Variants in GRIP1 observed in about 807,000 individuals in gnomAD.
GRIP1 encodes glutamate receptor interacting protein 1.
Under a neutral mutation model 129.9 loss-of-function variants are expected in GRIP1, and 45 were observed. That is an observed-to-expected ratio of 0.35 (90% confidence interval 0.27 to 0.44). The LOEUF is 0.44. GRIP1 is among the 20% of genes least tolerant of loss of function. GRIP1 has a pLI of 1.00. For synonymous variants in GRIP1, 530 were observed against 520.8 expected, an observed-to-expected ratio of 1.02 and a Z score of -0.24; for missense variants, 1,196 against 1,396.8, an observed-to-expected ratio of 0.86 and a Z score of 2.29.
At chr12:66,918,737 A>AT (rs1263037055) in intron 1 of GRIP1, among the ~76,000 whole-genome samples, 1 of 152,168 alleles carries the variant, frequency 6.6e-6, no homozygotes. Flanking sequence ...TGAAAGAGTA[A>AT]TATCATCAAA....
At chr12:66,626,331 C>A (rs1290230093) in intron 1 of GRIP1, among the ~76,000 whole-genome samples, 1 of 127,428 alleles carries the variant, frequency 7.8e-6, no homozygotes, top group Admixed American at 7.9e-5. Context: ...CAGAGTAAGA[C>A]CCCATCTCCA....
rs188225847 is a variant in GRIP1, at chr12:66,521,597, C to T, written c.503-3621G>A. On this transcript the variant is annotated intron_variant, in intron 5 of 24. Coordinates refer to ENST00000359742, the MANE Select transcript of GRIP1 (RefSeq NM_001366722.1). The stretch of plus-strand genomic sequence containing the variant: ...GAGTGACGCAGAAGACGGGTGATTT[C>T]TGCATTTCCATCTGAGGTACCAGGT... Among the ~76,000 whole-genome samples, 516 of 152,304 alleles carry T rather than the reference C, an allele frequency of 3.4e-3. 5 individuals carry two copies. The highest frequency in any genetic ancestry group is 0.011 in the African/African-American group (462 of 41,554).
At chr12:66,478,698 AT>A (rs1285432787) in intron 7 of GRIP1, among the ~76,000 whole-genome samples, 1 of 139,422 alleles carries the variant, frequency 7.2e-6, no homozygotes, top group African/African-American at 2.6e-5. Context: ...CTATGCAGCC[AT>A]AAAAAAAAGA....
chr12:66,482,714 G>C (rs941704037), intron 7 of GRIP1, among the ~76,000 whole-genome samples: 1 of 152,118 alleles, frequency 6.6e-6, no homozygotes, highest in Non-Finnish European at 1.5e-5. Context: ...ATAAAGGCAG[G>C]GAGACAGGCT....
chr12:66,967,031 ATTTG>A (rs1400589855), intron 1 of GRIP1, among the ~76,000 whole-genome samples: 1 of 152,108 alleles, frequency 6.6e-6, no homozygotes, highest in African/African-American at 2.4e-5. Context: ...ATACACCACA[ATTTG>A]TTTATTCATT....
chr12:66,685,455 TAAAGA>T (rs1418594394), intron 1 of GRIP1, among the ~76,000 whole-genome samples: 12 of 152,270 alleles, frequency 7.9e-5, no homozygotes, highest in Non-Finnish European at 1.3e-4. Context: ...ATTTGAATAA[TAAAGA>T]AAAGTGGAAA....
intron 1 of GRIP1, among the ~76,000 whole-genome samples, chr12:66,937,761 G>T (rs1418276365): frequency 6.6e-6 from 1 of 152,144 alleles, no homozygotes; most frequent in Non-Finnish European, 1.5e-5. Context: ...AGTTTCCAAA[G>T]ATGATAGCAG....
intron 1 of GRIP1, among the ~76,000 whole-genome samples, chr12:67,037,742 T>G (rs1172028067): frequency 6.6e-6 from 1 of 152,158 alleles, no homozygotes; most frequent in Non-Finnish European, 1.5e-5. Flanking sequence ...CCAGAAAAAT[T>G]TATTCAATCA....
At chr12:66,547,747 T>C (rs1296893135) in intron 2 of GRIP1, among the ~76,000 whole-genome samples, 2 of 152,126 alleles carry the variant, frequency 1.3e-5, no homozygotes, top group Non-Finnish European at 2.9e-5. Context: ...GAGTATGGGT[T>C]AGAAGTTGCC....
chr12:66,580,675 T>C (rs1397082206), intron 2 of GRIP1, among the ~76,000 whole-genome samples: 1 of 149,128 alleles, frequency 6.7e-6, no homozygotes, highest in African/African-American at 2.5e-5. Context: ...CATTACATAA[T>C]GGTAAAGGGA....
intron 1 of GRIP1, among the ~76,000 whole-genome samples, chr12:66,841,752 C>T (rs1231281776): frequency 6.6e-6 from 1 of 152,096 alleles, no homozygotes; most frequent in Non-Finnish European, 1.5e-5. Context: ...AGGAGCCATA[C>T]CTAGAACCTA....
chr12:66,846,164 C>T (rs1442969327), intron 1 of GRIP1, among the ~76,000 whole-genome samples: 2 of 152,154 alleles, frequency 1.3e-5, no homozygotes, highest in East Asian at 3.8e-4. Context: ...TTTTCACTTG[C>T]TAAGATTTTT....
At chr12:66,477,155 A>C (rs1334988297) in intron 7 of GRIP1, among the ~76,000 whole-genome samples, 1 of 152,204 alleles carries the variant, frequency 6.6e-6, no homozygotes, top group South Asian at 2.1e-4. Context: ...AAATCTCCTT[A>C]AGCTGATAAG....
intron 1 of GRIP1, among the ~76,000 whole-genome samples, chr12:66,607,448 T>C (rs189095678): frequency 7.9e-4 from 121 of 152,320 alleles, no homozygotes; most frequent in Non-Finnish European, 1.4e-3. Context: ...GAATAAATAC[T>C]GGGACACTCT....
intron 7 of GRIP1, among the ~76,000 whole-genome samples, chr12:66,478,354 C>G (rs938862304): frequency 6.6e-6 from 1 of 152,086 alleles, no homozygotes; most frequent in African/African-American, 2.4e-5. Context: ...GTTAGAATGG[C>G]AATCATTAAA....
intron 23 of GRIP1, among the ~76,000 whole-genome samples, chr12:66,355,643 C>A (rs1200647460): frequency 6.6e-6 from 1 of 152,040 alleles, no homozygotes; most frequent in Non-Finnish European, 1.5e-5. Flanking sequence ...GTTGAGAGCA[C>A]CCCTACCTTC....
chr12:66,746,680 A>G (rs1425043202), intron 1 of GRIP1, among the ~76,000 whole-genome samples: 1 of 152,202 alleles, frequency 6.6e-6, no homozygotes, highest in Non-Finnish European at 1.5e-5. Flanking sequence ...CTACTTCCCT[A>G]TGACTGAGCT....
intron 1 of GRIP1, among the ~76,000 whole-genome samples, chr12:66,856,607 C>A (rs1171309404): frequency 6.6e-6 from 1 of 151,868 alleles, no homozygotes; most frequent in East Asian, 1.9e-4. Flanking sequence ...ATGCAGCCAA[C>A]AGACCCATGA....
intron 1 of GRIP1, among the ~76,000 whole-genome samples, chr12:66,843,930 AAT>A (rs1265775353): frequency 6.6e-6 from 1 of 152,186 alleles, no homozygotes; most frequent in Non-Finnish European, 1.5e-5. Context: ...AAACATAAGC[AAT>A]AAAAGTAAAA....
Sources: allele counts gnomAD v4.1 joint callset (sites outside exome capture counted in the v4.1 genomes callset), GRCh38; gene constraint gnomAD v4.1.1; transcripts MANE v1.5; gene names NCBI Gene and HGNC (gene_info 2026-07-23, HGNC 2026-07-21).